MYLK: variants seen among roughly 807,000 people sequenced by gnomAD.
MYLK encodes myosin light chain kinase, smooth muscle.
In MYLK, 106 loss-of-function variants were observed where a neutral mutation model predicts 203.4. The ratio of observed to expected loss-of-function variants is 0.52; its 90% CI spans 0.45 to 0.61. MYLK has a LOEUF of 0.61. Ranked by LOEUF, MYLK falls within the 20% of genes least tolerant of loss-of-function variation. The probability of loss-of-function intolerance (pLI) is 0.00; values close to 1 mark genes in which losing one functional copy is unlikely to be tolerated. For synonymous variants in MYLK, 867 were observed against 959.5 expected (o/e 0.90, Z 1.78); for missense variants, 2,072 against 2,442.3 (o/e 0.85, Z 3.20).
At chr3:123,683,603 A>G (rs933065778) in intron 19 of MYLK, among the ~76,000 whole-genome samples, 1 of 152,144 alleles carries the variant, frequency 6.6e-6, no homozygotes, top group African/African-American at 2.4e-5. Flanking sequence ...TCACCCCGAT[A>G]GGCTTTCTTC....
At chr3:123,790,642 T>C (rs1352496777) in intron 4 of MYLK, among the ~76,000 whole-genome samples, 1 of 152,018 alleles carries the variant, frequency 6.6e-6, no homozygotes, top group Non-Finnish European at 1.5e-5. Context: ...AAAAAGGAAA[T>C]GGGGCAGAGT....
Position 123,733,123 on chromosome 3 carries a change from C to T in MYLK, c.1310-21G>A, listed in dbSNP as rs369925977. The T allele has an allele frequency of 7.9e-4, 1,279 of 1,610,042 alleles. 15 individuals carry two copies. The South Asian group carries it at 8.7e-3, about 11-fold the overall frequency. On this transcript the variant is annotated intron_variant, in intron 10 of 33. Transcript: ENST00000360304. The stretch of plus-strand genomic sequence containing the variant: ...GGAAACTACAGGGCCAGGTAAAGAA[C>T]GTGAGCTCCCTATGCCCTGGAGAGC...
At chr3:123,738,398 CA>C (rs2062750007) in intron 7 of MYLK, among the ~76,000 whole-genome samples, 1 of 152,098 alleles carries the variant, frequency 6.6e-6, no homozygotes, top group African/African-American at 2.4e-5. Context: ...CCCTAACAAA[CA>C]TACAGAGAAC....
At chr3:123,669,759 G>C (rs977965911) in intron 20 of MYLK, among the ~76,000 whole-genome samples, 1 of 152,084 alleles carries the variant, frequency 6.6e-6, no homozygotes, top group East Asian at 1.9e-4. Flanking sequence ...GCAAGGCCAG[G>C]TGCATTGGCT....
At chr3:123,670,033 T>TAAA (rs1440646023) in intron 20 of MYLK, among the ~76,000 whole-genome samples, 1 of 53,986 alleles carries the variant, frequency 1.9e-5, no homozygotes, top group African/African-American at 1.0e-4. Flanking sequence ...AGACTCCATC[T>TAAA]CAAAAAAAAA....
intron 3 of MYLK, among the ~76,000 whole-genome samples, chr3:123,809,089 C>T (rs779109966): frequency 2.2e-4 from 33 of 152,180 alleles, no homozygotes; most frequent in Non-Finnish European, 3.4e-4. Flanking sequence ...ACTCAGAGAG[C>T]CCCTGGCTCA....
intron 2 of MYLK, 67 bp from the exon 3 acceptor site, chr3:123,831,737 C>T (rs563033680): frequency 3.3e-5 from 8 of 239,220 alleles, no homozygotes; most frequent in South Asian, 3.1e-4. Flanking sequence ...GATGTGGGAG[C>T]GGCTGGGAGG....
chr3:123,732,990 C>A lies in MYLK; in HGVS notation c.1422G>T (p.Leu474=). Residue 474 remains leucine (L), a synonymous_variant, in exon 11 of 34, where the codon CTG becomes CTT. Transcript: ENST00000360304. ...CACTGTCCCTGGTCCGGGCTTTCAGCAGGCAGAGGTAATGGGAGCCAGCAT... is the reference window on the plus strand; with the variant it reads ...CACTGTCCCTGGTCCGGGCTTTCAGAAGGCAGAGGTAATGGGAGCCAGCAT... ...YEDAGSHYLC[L]LKARTRDSGT... 2 of 1,614,208 alleles carry A rather than the reference C, an allele frequency of 1.2e-6. No individual in the cohort carries two copies. Among genetic ancestry groups the A allele is most frequent in the South Asian group, 2.2e-5 (2 of 91,076 alleles).
At chr3:123,752,279 G>T in intron 5 of MYLK, 52 bp downstream of exon 5, 1 of 1,582,360 alleles carries the variant, frequency 6.3e-7, no homozygotes, top group South Asian at 1.1e-5. Context: ...TGCAGGCCTT[G>T]GGGTAACTGA....
chr3:123,807,867 T>C (rs940704915), intron 3 of MYLK, among the ~76,000 whole-genome samples: 33 of 152,212 alleles, frequency 2.2e-4, no homozygotes, highest in Admixed American at 2.0e-3. Context: ...ACCCCAGCCT[T>C]AGGTGCTGCA....
At chr3:123,815,746 T>A (rs16834774) in intron 3 of MYLK, among the ~76,000 whole-genome samples, 12,378 of 152,312 alleles carry the variant, frequency 0.081, 615 homozygotes, top group Middle Eastern at 0.16. Flanking sequence ...CCGCTTAACG[T>A]AAATAATTTA....
chr3:123,658,914 G>A (rs551289179), intron 23 of MYLK, among the ~76,000 whole-genome samples: 1 of 152,274 alleles, frequency 6.6e-6, no homozygotes, highest in South Asian at 2.1e-4. Flanking sequence ...CCCAGAAACT[G>A]TCTACCCCAA....
chr3:123,761,855 G>A (rs1295801125), intron 4 of MYLK, among the ~76,000 whole-genome samples: 3 of 151,988 alleles, frequency 2.0e-5, no homozygotes, highest in East Asian at 1.9e-4. Flanking sequence ...GTGAAACCTC[G>A]TCTCTACTAA....
At chr3:123,628,054 G>T (rs1028281232) in intron 30 of MYLK, among the ~76,000 whole-genome samples, 2 of 152,204 alleles carry the variant, frequency 1.3e-5, no homozygotes, top group Non-Finnish European at 2.9e-5. Context: ...CCTTGGGTGT[G>T]GGGGTCCCTC....
chr3:123,645,518 C>G (rs189993943), intron 27 of MYLK, among the ~76,000 whole-genome samples: 1 of 152,146 alleles, frequency 6.6e-6, no homozygotes, highest in African/African-American at 2.4e-5. Context: ...ACAGAGACCC[C>G]CCAAGTTCAG....
At chr3:123,776,313 T>C (rs969328424) in intron 4 of MYLK, among the ~76,000 whole-genome samples, 1 of 152,176 alleles carries the variant, frequency 6.6e-6, no homozygotes, top group Non-Finnish European at 1.5e-5. Context: ...AAACTGGTGC[T>C]ATGTCTTCTT....
rs369511530 is a variant in MYLK at position 123,618,693 on chromosome 3, G to A, written c.5446C>T (p.Arg1816Cys). 2.6e-5 allele frequency: 42 copies of A among 1,613,998 alleles called. No homozygotes were observed. Among genetic ancestry groups the A allele is most frequent in the South Asian group, 6.6e-5 (6 of 91,078 alleles). The change falls in exon 33 of 34, where the codon CGC (arginine) becomes TGC (cysteine). Residue 1816 changes from arginine to cysteine, a missense_variant. Arg to Cys is a radical substitution (Grantham distance 180). Around this residue, in one of 3 missense-constraint regions of MYLK, gnomAD observed 524 missense variants for 782.4 expected, o/e 0.67. Coordinates refer to ENST00000360304, the MANE Select transcript of MYLK (RefSeq NM_053025.4). ...CTTCCCTCCACAACTTCTAAATCGC[G>A]AATGGTCTTAGAGAAATAGGGTTTT... is the stretch of plus-strand genomic sequence containing the variant. Reference protein sequence around the residue: ...HVKPYFSKTIRDLEVVEGSAA... With the variant: ...HVKPYFSKTICDLEVVEGSAA...
At chr3:123,837,597 T>C (rs990342283) in intron 2 of MYLK, among the ~76,000 whole-genome samples, 4 of 150,720 alleles carry the variant, frequency 2.7e-5, no homozygotes, top group African/African-American at 9.7e-5. Context: ...AGTCTTCAAA[T>C]CAATGCTTTT....
In MYLK at chr3:123,708,929, G is replaced by C. The variant is rs181775356; in HGVS notation, c.1943-34C>G. 7.8e-4 allele frequency: 1,243 copies of C among 1,597,466 alleles called. 5 individuals are homozygous for C. The highest frequency in any genetic ancestry group is 2.3e-3 in the Middle Eastern group (14 of 6,018). Reference sequence around the variant, plus strand: ...GGAGGAGGGGAAGGGGGATTGGTTAGGGAGGTCCTCCCCGGCCATGCAGCA... The same window carrying C: ...GGAGGAGGGGAAGGGGGATTGGTTACGGAGGTCCTCCCCGGCCATGCAGCA... On this transcript the variant is annotated intron_variant, in intron 14 of 33. Coordinates refer to ENST00000360304, the MANE Select transcript of MYLK (RefSeq NM_053025.4).
Sources: gnomAD v4.1 joint callset for allele counts (sites outside exome capture counted in the v4.1 genomes callset) on GRCh38, gnomAD v4.1.1 for gene constraint, gnomAD v4.1.1 regional missense constraint, MANE v1.5 for transcripts, NCBI Gene and HGNC (gene_info 2026-07-23, HGNC 2026-07-21) for gene names.